The following CNTNAP4 variants were observed in gnomAD, a reference collection of about 807,000 sequenced individuals.
CNTNAP4 encodes the protein contactin associated protein family member 4.
CNTNAP4 carries 98 observed loss-of-function variants against 148.4 expected under a neutral mutation model. The ratio of observed to expected loss-of-function variants is 0.66; its 90% CI spans 0.56 to 0.78. The LOEUF (loss-of-function observed/expected upper bound fraction) is 0.78. Ranked by LOEUF, CNTNAP4 falls within the 30% of genes least tolerant of loss-of-function variation. CNTNAP4 has a pLI of 0.00. For synonymous variants in CNTNAP4, 730 were observed against 565.1 expected (o/e 1.29, Z -4.14); for missense variants, 1,935 against 1,565.6 (o/e 1.24, Z -3.98).
intron 13 of CNTNAP4, 66 bp from the exon 14 acceptor site, chr16:76,494,844 A>T: frequency 6.9e-7 from 1 of 1,448,548 alleles, no homozygotes; most frequent in Non-Finnish European, 9.5e-7. Context: ...AAGAAAAGGA[A>T]TTATATTGGG....
At chr16:76,303,525 T>C (rs1027579103) in intron 1 of CNTNAP4, among the ~76,000 whole-genome samples, 5 of 152,162 alleles carry the variant, frequency 3.3e-5, no homozygotes, top group African/African-American at 1.2e-4. Context: ...AAGTAGCACA[T>C]ACTTAGGAGG....
rs2082347682 is a variant in CNTNAP4 at position 76,494,928 on chromosome 16, G to C, written c.2099G>C (p.Trp700Ser). The C allele has an allele frequency of 6.2e-7, 1 of 1,613,186 alleles. No individual in the cohort carries two copies. The highest frequency in any genetic ancestry group is 8.5e-7 in the Non-Finnish European group (1 of 1,179,454). Reference sequence around the variant, plus strand: ...CTTTCAGATGGAACCCCTCTGAGTTGGTGGGTAGGAAGAACCAATGAAACG... The same window carrying C: ...CTTTCAGATGGAACCCCTCTGAGTTCGTGGGTAGGAAGAACCAATGAAACG... ...VNKQDGTPLS[W>S]WVGRTNETQT... is the part of the protein sequence containing the mutation. The change falls in exon 14 of 24, where the codon TGG becomes TCG. Residue 700 changes from tryptophan to serine, a missense_variant. Trp to Ser is a radical substitution (Grantham distance 177). Transcript: ENST00000611870.
intron 13 of CNTNAP4, among the ~76,000 whole-genome samples, chr16:76,491,777 G>T (rs1054605783): frequency 9.9e-5 from 15 of 151,752 alleles, no homozygotes; most frequent in Non-Finnish European, 1.2e-4. Flanking sequence ...ATTCTGTTTA[G>T]TATAATGCCC....
intron 15 of CNTNAP4, among the ~76,000 whole-genome samples, chr16:76,503,941 TATTAAGAAAAA>T (rs2082745218): frequency 6.6e-6 from 1 of 151,992 alleles, no homozygotes; most frequent in East Asian, 1.9e-4. Flanking sequence ...TATAACAAAT[TATTAAGAAAAA>T]ATTAAGAAAA....
chr16:76,333,644 C>T (rs761998396), intron 2 of CNTNAP4, among the ~76,000 whole-genome samples: 59 of 152,060 alleles, frequency 3.9e-4, no homozygotes, highest in Non-Finnish European at 7.1e-4. Context: ...CTCTACATTC[C>T]TTTTTTTGCA....
chr16:76,405,973 T>C (rs2078586879), intron 3 of CNTNAP4, among the ~76,000 whole-genome samples: 1 of 152,046 alleles, frequency 6.6e-6, no homozygotes, highest in African/African-American at 2.4e-5. Flanking sequence ...TCCACCACTT[T>C]GGGAGGCAGA....
At chr16:76,289,311 C>A (rs1959016441) in intron 1 of CNTNAP4, among the ~76,000 whole-genome samples, 1 of 152,176 alleles carries the variant, frequency 6.6e-6, no homozygotes, top group African/African-American at 2.4e-5. Flanking sequence ...AAATTTTCAA[C>A]TCCATCCAGT....
chr16:76,485,459 G>A (rs1160253280), intron 12 of CNTNAP4, among the ~76,000 whole-genome samples: 3 of 152,196 alleles, frequency 2.0e-5, no homozygotes, highest in Non-Finnish European at 2.9e-5. Flanking sequence ...TGTTCAAGAA[G>A]TTTCTTGTTA....
At chr16:76,318,995 G>A (rs1223740397) in intron 2 of CNTNAP4, among the ~76,000 whole-genome samples, 1 of 151,976 alleles carries the variant, frequency 6.6e-6, no homozygotes, top group Non-Finnish European at 1.5e-5. Flanking sequence ...GCAAAAAAAT[G>A]AGAAAGTTAC....
chr16:76,536,625 T>C (rs1359421238), intron 18 of CNTNAP4, among the ~76,000 whole-genome samples: 2 of 152,184 alleles, frequency 1.3e-5, no homozygotes, highest in Non-Finnish European at 2.9e-5. Flanking sequence ...TATCGATGCA[T>C]TACAAAAATA....
At chr16:76,346,281 A>G (rs1192069778) in intron 2 of CNTNAP4, among the ~76,000 whole-genome samples, 1 of 152,088 alleles carries the variant, frequency 6.6e-6, no homozygotes, top group East Asian at 1.9e-4. Flanking sequence ...TTTTTGATAT[A>G]CTATGCCCTA....
In CNTNAP4 at chr16:76,498,632, A is replaced by C; in HGVS notation, c.2303A>C (p.Asp768Ala). ...HLPVTKIVIT[D>A]TGRLHSEAAY... is the part of the protein sequence containing the mutation. ...CCAGTAACTAAGATCGTGATTACAG[A>C]CACAGGCCGACTGCATTCAGAAGCA... The change falls in exon 15 of 24, where the codon GAC becomes GCC. Residue 768 changes from aspartate (D) to alanine (A), a missense_variant. Physicochemically the swap from Asp to Ala is moderately radical, Grantham distance 126. Coordinates refer to ENST00000611870, the MANE Select transcript of CNTNAP4 (RefSeq NM_033401.5). 6.2e-7 allele frequency: 1 copy of C among 1,612,988 alleles called. No individual in the cohort carries two copies. Among genetic ancestry groups the C allele is most frequent in the Non-Finnish European group, 8.5e-7 (1 of 1,179,382 alleles).
intron 3 of CNTNAP4, among the ~76,000 whole-genome samples, chr16:76,415,908 C>T (rs1390653569): frequency 2.9e-5 from 4 of 138,968 alleles, no homozygotes; most frequent in African/African-American, 1.0e-4. Flanking sequence ...GAGTAATTTC[C>T]CATTGTATAG....
At chr16:76,346,055 T>C (rs1597267174) in intron 2 of CNTNAP4, among the ~76,000 whole-genome samples, 1 of 152,084 alleles carries the variant, frequency 6.6e-6, no homozygotes, top group East Asian at 1.9e-4. Flanking sequence ...CTGTGAAAAA[T>C]AAATGTCTGT....
chr16:76,491,699 C>T (rs1413193649), intron 13 of CNTNAP4, among the ~76,000 whole-genome samples: 1 of 152,162 alleles, frequency 6.6e-6, no homozygotes, highest in Non-Finnish European at 1.5e-5. Context: ...AAAATGAACT[C>T]AGGTCATTTA....
chr16:76,513,409 C>G (rs760984356), intron 15 of CNTNAP4, among the ~76,000 whole-genome samples: 1 of 152,056 alleles, frequency 6.6e-6, no homozygotes, highest in Non-Finnish European at 1.5e-5. Flanking sequence ...AGTGTGCACA[C>G]TTGGCATCAT....
intron 1 of CNTNAP4, among the ~76,000 whole-genome samples, chr16:76,302,268 T>G (rs1960051661): frequency 6.6e-6 from 1 of 152,094 alleles, no homozygotes; most frequent in African/African-American, 2.4e-5. Context: ...ACCCTTCACT[T>G]CACAATAGTT....
rs2078259853 is a variant in CNTNAP4 at position 76,397,938 on chromosome 16, TTATATA to T, written c.391-29513_391-29508del. ...TCTCTAGAGGGACAGAACTAATAGA[TTATATA>T]CATATATATATATATATATATATAT... is the stretch of plus-strand genomic sequence containing the variant. On this transcript the variant is annotated intron_variant, in intron 3 of 23. Coordinates refer to ENST00000611870, the MANE Select transcript of CNTNAP4 (RefSeq NM_033401.5). 2.8e-3 allele frequency among the ~76,000 whole-genome samples: 176 copies of T among 62,254 alleles called. 1 individual carries two copies. Among genetic ancestry groups the T allele is most frequent in the African/African-American group, 6.2e-3 (118 of 19,140 alleles). 40.8% of individuals were successfully genotyped at this position (62,254 alleles called of 152,430 possible).
intron 1 of CNTNAP4, among the ~76,000 whole-genome samples, chr16:76,292,213 C>T (rs1959143670): frequency 6.6e-6 from 1 of 152,190 alleles, no homozygotes; most frequent in South Asian, 2.1e-4. Flanking sequence ...CAAGAGTCCA[C>T]ATTTCTTTTG....
Sources: gnomAD v4.1 joint callset for allele counts (sites outside exome capture counted in the v4.1 genomes callset) on GRCh38, gnomAD v4.1.1 for gene constraint, MANE v1.5 for transcripts, NCBI Gene and HGNC (gene_info 2026-07-23, HGNC 2026-07-21) for gene names.